The following LRPAP1 variants were observed in gnomAD, a reference collection of about 807,000 sequenced individuals.
LRPAP1 encodes LDL receptor related protein associated protein 1.
In LRPAP1, 41 loss-of-function variants were observed where a neutral mutation model predicts 39.9. The observed-to-expected ratio is 1.03, with a 90% confidence interval of 0.80 to 1.33. LRPAP1 has a LOEUF of 1.33. Among genes scored for constraint, LRPAP1 ranks in the 40% most tolerant of loss-of-function variants. The probability of loss-of-function intolerance (pLI) is 0.00; values close to 1 mark genes in which losing one functional copy is unlikely to be tolerated. For synonymous variants in LRPAP1, 263 were observed against 212.7 expected (o/e 1.24, Z -2.06); for missense variants, 565 against 482.3 (o/e 1.17, Z -1.61).
At chr4:3,525,976 G>C (rs1319094572) in intron 1 of LRPAP1, among the ~76,000 whole-genome samples, 1 of 152,224 alleles carries the variant, frequency 6.6e-6, no homozygotes, top group African/African-American at 2.4e-5. Context: ...GCTGGGGCAG[G>C]CTAGCCCTTC....
At position 3,512,713 on chromosome 4, in the gene LRPAP1, G is replaced by T; in HGVS notation, c.*261C>A. ...GCTGGACATCGAGGTCCTCACTGGG[G>T]TGGTGACTGCCACGCTGATGCTGAG... On this transcript the variant is annotated 3_prime_UTR_variant, in exon 8 of 8. Transcript: ENST00000650182. 1 of 511,240 alleles carries T rather than the reference G, an allele frequency of 2.0e-6. No homozygotes were observed. Among genetic ancestry groups the T allele is most frequent in the Non-Finnish European group, 3.5e-6 (1 of 287,032 alleles). The allele number at this position is 511,240 out of a possible 1,614,324, so 31.7% of individuals were successfully genotyped here. A position where few individuals can be genotyped will look rare whatever the true frequency, so the allele number is the denominator to read the frequency against.
At chr4:3,532,179 C>G in intron 1 of LRPAP1, 30 bp downstream of exon 1, 2 of 1,188,880 alleles carry the variant, frequency 1.7e-6, no homozygotes, top group Non-Finnish European at 2.3e-6. Context: ...GCCCCCAGGC[C>G]CCGCTCCACC....
chr4:3,516,130 G>A lies in LRPAP1; in HGVS notation c.820C>T (p.Leu274=). The A allele has an allele frequency of 6.3e-7, 1 of 1,578,562 alleles. No individual in the cohort carries two copies. Among genetic ancestry groups the A allele is most frequent in the Non-Finnish European group, 8.6e-7 (1 of 1,162,208 alleles). The change falls in exon 6 of 8, where the codon CTG becomes TTG. Residue 274 remains leucine, a synonymous_variant. Transcript: ENST00000650182. The part of the protein sequence containing the change: ...AQSANLTDKE[L]EAFREELKHF... ...TGTTTCCTTACCCGGAACGCCTCCA[G>A]CTCCTTGTCCGTGAGGTTGGCGGAC...
At chr4:3,515,021 G>T in intron 6 of LRPAP1, 93 bp from the exon 7 acceptor site, 1 of 1,422,222 alleles carries the variant, frequency 7.0e-7, no homozygotes, top group Non-Finnish European at 9.7e-7. Context: ...CCAAAGGACG[G>T]CGCCATACCC....
At chr4:3,530,795 G>A (rs1047528950) in intron 1 of LRPAP1, among the ~76,000 whole-genome samples, 1 of 152,236 alleles carries the variant, frequency 6.6e-6, no homozygotes, top group Non-Finnish European at 1.5e-5. Flanking sequence ...GAGCGCACCA[G>A]GGCGGCCCTG....
intron 3 of LRPAP1, among the ~76,000 whole-genome samples, chr4:3,519,314 G>A (rs1163592221): frequency 6.6e-6 from 1 of 152,204 alleles, no homozygotes. Context: ...GGCTGCAGGT[G>A]GTGAGGACAG....
At chr4:3,517,841 C>G in intron 5 of LRPAP1, 193 bp downstream of exon 5, 2 of 579,418 alleles carry the variant, frequency 3.5e-6, no homozygotes, top group Admixed American at 7.6e-5. Context: ...CTGGGGACGG[C>G]GAGTGACCTT....
At chr4:3,529,450 T>C (rs971030191) in intron 1 of LRPAP1, among the ~76,000 whole-genome samples, 1 of 152,170 alleles carries the variant, frequency 6.6e-6, no homozygotes, top group Non-Finnish European at 1.5e-5. Flanking sequence ...AGCTGGACCA[T>C]GCAGACCCTG....
intron 1 of LRPAP1, among the ~76,000 whole-genome samples, chr4:3,525,947 C>T (rs1045404557): frequency 6.6e-6 from 1 of 152,250 alleles, no homozygotes; most frequent in African/African-American, 2.4e-5. Context: ...GGGGCTGGCC[C>T]GGCCGCTAAG....
chr4:3,520,663 T>A (rs1042181884), intron 2 of LRPAP1, among the ~76,000 whole-genome samples: 1 of 152,250 alleles, frequency 6.6e-6, no homozygotes, highest in East Asian at 1.9e-4. Flanking sequence ...ACCTGCAGAC[T>A]GTGCAGGGTG....
intron 2 of LRPAP1, among the ~76,000 whole-genome samples, chr4:3,523,570 A>C (rs922518234): frequency 1.3e-5 from 2 of 152,160 alleles, no homozygotes; most frequent in African/African-American, 4.8e-5. Flanking sequence ...CCCTGACTCC[A>C]AATCTTTGCT....
intron 2 of LRPAP1, among the ~76,000 whole-genome samples, chr4:3,523,383 C>T (rs186635582): frequency 2.7e-4 from 41 of 152,318 alleles, no homozygotes; most frequent in Non-Finnish European, 3.8e-4. Flanking sequence ...CAGTCCCTGC[C>T]GCCGTATCTT....
At chr4:3,516,232 A>C in intron 5 of LRPAP1, 34 bp from the exon 6 acceptor site, 1 of 1,523,600 alleles carries the variant, frequency 6.6e-7, no homozygotes, top group Non-Finnish European at 8.9e-7. Flanking sequence ...CCTCAGCAGC[A>C]CCCGGGGTGC....
chr4:3,532,230 C>G lies in LRPAP1; in HGVS notation c.183G>C (p.Gln61His). 2 of 1,550,842 alleles carry G rather than the reference C, an allele frequency of 1.3e-6. No individual in the cohort carries two copies. Among genetic ancestry groups the G allele is most frequent in the Non-Finnish European group, 1.7e-6 (2 of 1,146,890 alleles). Residue 61 changes from glutamine (Q) to histidine (H), a missense_variant, in exon 1 of 8, where the codon CAG becomes CAC. Coordinates refer to ENST00000650182, the MANE Select transcript of LRPAP1 (RefSeq NM_002337.4). ...TCACTCGCTGGGCCTTCTCCCACAG[C>G]TGGTTCAACTTCTCCATGCGGAACT... ...GEEFRMEKLN[Q>H]LWEKAQRLHL...
intron 4 of LRPAP1, among the ~76,000 whole-genome samples, 154 bp downstream of exon 4, chr4:3,518,717 C>G (rs1729809080): frequency 6.6e-6 from 1 of 151,930 alleles, no homozygotes; most frequent in East Asian, 1.9e-4. Context: ...CCGGTGGAAC[C>G]CTGGGAGGGC....
intron 1 of LRPAP1, among the ~76,000 whole-genome samples, chr4:3,526,704 G>A (rs1388721912): frequency 1.3e-5 from 2 of 152,146 alleles, no homozygotes; most frequent in South Asian, 2.1e-4. Context: ...CCCACACTCC[G>A]GAACCTCCTC....
Position 3,508,480 on chromosome 4 carries a change from G to A in LRPAP1, c.*4494C>T, listed in dbSNP as rs1390121010. ...CTTAATGCAATATCAAACCATGACA[G>A]ACACATCACATGACAAGACAATGAA... is the stretch of plus-strand genomic sequence containing the variant. On this transcript the variant is annotated 3_prime_UTR_variant, in exon 8 of 8. Transcript: ENST00000650182. 1 of 152,216 alleles carries A rather than the reference G, an allele frequency of 6.6e-6. No individual in the cohort carries two copies. Among genetic ancestry groups the A allele is most frequent in the South Asian group, 2.1e-4 (1 of 4,818 alleles). The allele number at this position is 152,216 out of a possible 1,614,324, so 9.4% of individuals were successfully genotyped here. A position where few individuals can be genotyped will look rare whatever the true frequency, so the allele number is the denominator to read the frequency against.
chr4:3,526,977 T>C (rs1376935243), intron 1 of LRPAP1, among the ~76,000 whole-genome samples: 1 of 152,168 alleles, frequency 6.6e-6, no homozygotes, highest in Admixed American at 6.5e-5. Context: ...GGTAAAAAGA[T>C]AGCAAACGGT....
Position 3,532,376 on chromosome 4 carries a change from G to A in LRPAP1, c.37C>T (p.Leu13Phe), listed in dbSNP as rs753327001. 5.7e-6 allele frequency: 9 copies of A among 1,592,056 alleles called. No homozygotes were observed. Among genetic ancestry groups the A allele is most frequent in the South Asian group, 1.1e-5 (1 of 88,212 alleles). Residue 13 changes from leucine to phenylalanine, a missense_variant, in exon 1 of 8, where the codon CTC (leucine) becomes TTC (phenylalanine). Coordinates refer to ENST00000650182, the MANE Select transcript of LRPAP1 (RefSeq NM_002337.4). ...PRRVRSFLRGLPALLLLLLFL... is the reference protein window; with the variant it reads ...PRRVRSFLRGFPALLLLLLFL... ...AGCAGCAGCAGTAGCAGCGCCGGGA[G>A]CCCGCGCAGAAACGACCTGACCCTC... is the stretch of plus-strand genomic sequence containing the variant.
Sources: gnomAD v4.1 joint callset for allele counts (sites outside exome capture counted in the v4.1 genomes callset) on GRCh38, gnomAD v4.1.1 for gene constraint, MANE v1.5 for transcripts, NCBI Gene and HGNC (gene_info 2026-07-23, HGNC 2026-07-21) for gene names.